POLR3B: variants seen among roughly 807,000 people sequenced by gnomAD.
The protein encoded by POLR3B is RNA polymerase III subunit B.
In POLR3B, 96 loss-of-function variants were observed where a neutral mutation model predicts 147.4. The observed-to-expected ratio is 0.65, with a 90% CI of 0.55 to 0.77. POLR3B has a LOEUF of 0.77. Among genes scored for constraint, POLR3B ranks in the 30% least tolerant of loss-of-function variants. The pLI, the probability that POLR3B is intolerant of heterozygous loss-of-function variation, is 0.00. For synonymous variants in POLR3B, 461 were observed against 485.9 expected (o/e 0.95, Z 0.67); for missense variants, 1,036 against 1,413.5 (o/e 0.73, Z 4.28).
chr12:106,375,149 GAC>G lies in POLR3B; in HGVS notation c.405-1203_405-1202del, dbSNP rs369898496. Reference sequence around the variant, plus strand: ...CTTCAAGCACATTGGTTGTGTGCTTGACACACACTTCGAGCACACTGCTCTGT... The same window carrying G: ...CTTCAAGCACATTGGTTGTGTGCTTGACACACTTCGAGCACACTGCTCTGT... On this transcript the variant is annotated intron_variant, in intron 6 of 27. Transcript: ENST00000228347. Among the ~76,000 whole-genome samples, 437 of 152,314 alleles carry G rather than the reference GAC, an allele frequency of 2.9e-3. 4 individuals are homozygous for G. The highest frequency in any genetic ancestry group is 9.9e-3 in the African/African-American group (412 of 41,566).
intron 19 of POLR3B, among the ~76,000 whole-genome samples, chr12:106,449,298 G>A (rs2037767117): frequency 6.6e-6 from 1 of 152,076 alleles, no homozygotes; most frequent in Admixed American, 6.5e-5. Flanking sequence ...CACTTGTGGC[G>A]GCATGTTGGC....
At chr12:106,498,101 T>G (rs2038526055) in intron 25 of POLR3B, among the ~76,000 whole-genome samples, 1 of 152,144 alleles carries the variant, frequency 6.6e-6, no homozygotes, top group Non-Finnish European at 1.5e-5. Context: ...CTCACCAAAA[T>G]GAAGACAGAG....
chr12:106,437,184 T>C (rs1382923736), intron 17 of POLR3B, 53 bp downstream of exon 17: 2 of 1,168,046 alleles, frequency 1.7e-6, no homozygotes, highest in Non-Finnish European at 2.6e-6. Flanking sequence ...ACATACATGA[T>C]TTAAGAAAAG....
chr12:106,467,293 T>A (rs1242263321), intron 23 of POLR3B, among the ~76,000 whole-genome samples: 1 of 152,160 alleles, frequency 6.6e-6, no homozygotes, highest in Non-Finnish European at 1.5e-5. Context: ...GATTTTTGCA[T>A]ATTGATTTTG....
chr12:106,451,424 T>G (rs2037794245), intron 19 of POLR3B, among the ~76,000 whole-genome samples: 1 of 151,110 alleles, frequency 6.6e-6, no homozygotes. Context: ...GGTTGAGGAG[T>G]TCACCTGGCC....
intron 23 of POLR3B, among the ~76,000 whole-genome samples, chr12:106,465,188 AT>A (rs1241655766): frequency 6.6e-6 from 1 of 152,172 alleles, no homozygotes; most frequent in Non-Finnish European, 1.5e-5. Context: ...CCTTAACCTT[AT>A]TCGCTAGGTC....
chr12:106,400,489 C>T (rs2037046631), intron 10 of POLR3B, among the ~76,000 whole-genome samples: 1 of 152,220 alleles, frequency 6.6e-6, no homozygotes, highest in East Asian at 1.9e-4. Context: ...TAGACATCTA[C>T]AGAACTCTCC....
chr12:106,397,904 A>G (rs1488409572), intron 10 of POLR3B, among the ~76,000 whole-genome samples: 2 of 152,260 alleles, frequency 1.3e-5, no homozygotes, highest in Non-Finnish European at 2.9e-5. Context: ...TCCGGTCTAC[A>G]GCTACCAGCG....
intron 23 of POLR3B, among the ~76,000 whole-genome samples, chr12:106,477,894 T>C (rs1221544684): frequency 0.052 from 2,666 of 51,196 alleles, 349 homozygotes; most frequent in African/African-American, 0.24. Flanking sequence ...TCCTCCCCTT[T>C]TTTTTTTTTT....
At chr12:106,427,585 T>A (rs1326412686) in intron 13 of POLR3B, among the ~76,000 whole-genome samples, 1 of 152,328 alleles carries the variant, frequency 6.6e-6, no homozygotes, top group African/African-American at 2.4e-5. Context: ...ATAGATACTC[T>A]TATATAGAGG....
intron 27 of POLR3B, among the ~76,000 whole-genome samples, chr12:106,505,166 C>T (rs191524357): frequency 7.2e-5 from 11 of 152,262 alleles, no homozygotes; most frequent in Non-Finnish European, 1.2e-4. Flanking sequence ...ACCACCTTTC[C>T]TATTTGTAAT....
At chr12:106,437,389 G>T (rs1593041029) in intron 17 of POLR3B, among the ~76,000 whole-genome samples, 1 of 152,172 alleles carries the variant, frequency 6.6e-6, no homozygotes, top group East Asian at 1.9e-4. Flanking sequence ...TCATGTGTCA[G>T]TGTAGACACT....
At chr12:106,381,910 G>A (rs1033608494) in intron 9 of POLR3B, 1 of 152,156 alleles carries the variant, frequency 6.6e-6, no homozygotes, top group Non-Finnish European at 1.5e-5. Flanking sequence ...GAAAGGGGTG[G>A]GGAGTTCCCT....
intron 1 of POLR3B, among the ~76,000 whole-genome samples, chr12:106,362,776 C>T (rs2036486976): frequency 6.6e-6 from 1 of 152,056 alleles, no homozygotes; most frequent in Admixed American, 6.6e-5. Flanking sequence ...TTGAGAGGGA[C>T]ACAATTCAAC....
intron 23 of POLR3B, among the ~76,000 whole-genome samples, chr12:106,470,228 C>A (rs61941923): frequency 0.011 from 1,606 of 152,144 alleles, 17 homozygotes; most frequent in Middle Eastern, 0.02. Flanking sequence ...ATCCTTTCTT[C>A]CGCTTGATCG....
At chr12:106,378,147 A>G in intron 7 of POLR3B, 120 bp from the exon 8 acceptor site, 1 of 766,170 alleles carries the variant, frequency 1.3e-6, no homozygotes, top group Non-Finnish European at 2.4e-6. Flanking sequence ...ATCAAGTGTT[A>G]GCCAGTGCCA....
chr12:106,401,382 T>G (rs2037064979), intron 10 of POLR3B, among the ~76,000 whole-genome samples: 1 of 152,032 alleles, frequency 6.6e-6, no homozygotes, highest in South Asian at 2.1e-4. Context: ...CTACCAGAGG[T>G]ACAAGGAGGA....
chr12:106,397,428 T>C (rs943301581), intron 10 of POLR3B, among the ~76,000 whole-genome samples: 2 of 152,192 alleles, frequency 1.3e-5, no homozygotes, highest in Non-Finnish European at 2.9e-5. Flanking sequence ...ACCTCTACTC[T>C]CTGATTTTTT....
At position 106,505,484 on chromosome 12, in the gene POLR3B, C is replaced by T. The variant is rs568705627; in HGVS notation, c.3272+1230C>T. Among the ~76,000 whole-genome samples the T allele has an allele frequency of 5.3e-5, 8 of 152,194 alleles. No individual in the cohort carries two copies. In the East Asian group the frequency reaches 1.6e-3, roughly 29 times the overall value. On this transcript the variant is annotated intron_variant, in intron 27 of 27. Coordinates refer to ENST00000228347, the MANE Select transcript of POLR3B (RefSeq NM_018082.6). ...TGTATGTTTTGTAGAGACAGGGTTT[C>T]ACCATATTGCCCAGGCTTGTCTCAA... is the stretch of plus-strand genomic sequence containing the variant.
Sources: allele counts gnomAD v4.1 joint callset (sites outside exome capture counted in the v4.1 genomes callset), GRCh38; gene constraint gnomAD v4.1.1; transcripts MANE v1.5; gene names NCBI Gene and HGNC (gene_info 2026-07-23, HGNC 2026-07-21).